LAMA2: variants seen among roughly 807,000 people sequenced by gnomAD.
The protein encoded by LAMA2 is laminin subunit alpha 2.
In LAMA2, 269 loss-of-function variants were observed where a neutral mutation model predicts 364.8. The observed-to-expected ratio is 0.74, with a 90% CI of 0.67 to 0.82. The LOEUF (loss-of-function observed/expected upper bound fraction) is 0.82. Among genes scored for constraint, LAMA2 ranks in the 40% least tolerant of loss-of-function variants. The pLI is 0.00. For synonymous variants in LAMA2, 1,379 were observed against 1,370.6 expected, an observed-to-expected ratio of 1.01 and a Z score of -0.14; for missense variants, 3,807 against 3,873.2, an observed-to-expected ratio of 0.98 and a Z score of 0.45.
chr6:129,451,646 A>G (rs1179021450), intron 45 of LAMA2, among the ~76,000 whole-genome samples: 2 of 152,232 alleles, frequency 1.3e-5, no homozygotes, highest in African/African-American at 4.8e-5. Flanking sequence ...GAGACGTAAC[A>G]GATCTTCTGT....
At chr6:129,145,230 C>G (rs1233510234) in intron 5 of LAMA2, among the ~76,000 whole-genome samples, 2 of 151,986 alleles carry the variant, frequency 1.3e-5, no homozygotes, top group Non-Finnish European at 2.9e-5. Flanking sequence ...CTAAATACTC[C>G]TCACATGTTT....
intron 37 of LAMA2, among the ~76,000 whole-genome samples, chr6:129,393,864 G>A (rs73591271): frequency 0.037 from 5,558 of 152,110 alleles, 303 homozygotes; most frequent in African/African-American, 0.13. Context: ...TTTTCTATGC[G>A]CTGTGTTCTA....
intron 29 of LAMA2, among the ~76,000 whole-genome samples, chr6:129,340,314 G>T (rs2114563034): frequency 6.6e-6 from 1 of 151,998 alleles, no homozygotes; most frequent in Middle Eastern, 3.4e-3. Context: ...TTTAAGACAG[G>T]AAAGGCTTGA....
At chr6:129,323,999 C>G (rs550725333) in intron 28 of LAMA2, among the ~76,000 whole-genome samples, 50 of 152,262 alleles carry the variant, frequency 3.3e-4, no homozygotes, top group African/African-American at 1.1e-3. Flanking sequence ...ACATAAAGCC[C>G]AAAAGGCAAA....
chr6:129,187,837 T>G (rs1468238349), intron 10 of LAMA2, among the ~76,000 whole-genome samples: 1 of 151,744 alleles, frequency 6.6e-6, no homozygotes, highest in African/African-American at 2.4e-5. Context: ...TTTGAAACAT[T>G]TAAGATTTTG....
intron 10 of LAMA2, among the ~76,000 whole-genome samples, chr6:129,189,832 G>A (rs1781428278): frequency 1.3e-5 from 2 of 152,120 alleles, no homozygotes; most frequent in Non-Finnish European, 2.9e-5. Flanking sequence ...TAACAGAACA[G>A]TGAACTTTAA....
At chr6:129,167,357 T>C (rs1191151279) in intron 9 of LAMA2, among the ~76,000 whole-genome samples, 1 of 134,534 alleles carries the variant, frequency 7.4e-6, no homozygotes, top group Non-Finnish European at 1.5e-5. Context: ...TTCCCCTTCC[T>C]GTGTCCATGT....
At chr6:129,405,512 A>T (rs915880969) in intron 40 of LAMA2, among the ~76,000 whole-genome samples, 13 of 152,190 alleles carry the variant, frequency 8.5e-5, no homozygotes, top group African/African-American at 3.1e-4. Flanking sequence ...AATGCATTAC[A>T]CCATGTCTGC....
At chr6:129,180,046 G>T (rs1376017861) in intron 10 of LAMA2, among the ~76,000 whole-genome samples, 1 of 78,726 alleles carries the variant, frequency 1.3e-5, no homozygotes, top group Non-Finnish European at 2.3e-5. Flanking sequence ...TTAGTGTAGT[G>T]TATTTAAATA....
intron 12 of LAMA2, among the ~76,000 whole-genome samples, chr6:129,217,714 C>A (rs192187196): frequency 4.3e-4 from 65 of 152,166 alleles, no homozygotes; most frequent in African/African-American, 1.5e-3. Flanking sequence ...TTTTTGAATA[C>A]TTCACATACA....
At chr6:129,317,996 A>G (rs765062353) in intron 27 of LAMA2, among the ~76,000 whole-genome samples, 1 of 151,810 alleles carries the variant, frequency 6.6e-6, no homozygotes, top group African/African-American at 2.4e-5. Flanking sequence ...CGTTTTTTTG[A>G]AACTTTAGAA....
chr6:129,006,456 A>G (rs1396028627), intron 1 of LAMA2, among the ~76,000 whole-genome samples: 1 of 152,078 alleles, frequency 6.6e-6, no homozygotes, highest in Non-Finnish European at 1.5e-5. Context: ...ATGACCTCTC[A>G]TCTCTTCCGT....
At chr6:128,989,493 A>C (rs1448406496) in intron 1 of LAMA2, among the ~76,000 whole-genome samples, 1 of 152,174 alleles carries the variant, frequency 6.6e-6, no homozygotes, top group Non-Finnish European at 1.5e-5. Flanking sequence ...GGGGACTAGA[A>C]AGCAAGACAC....
At chr6:128,947,900 C>T (rs1245095528) in intron 1 of LAMA2, among the ~76,000 whole-genome samples, 1 of 151,938 alleles carries the variant, frequency 6.6e-6, no homozygotes, top group Non-Finnish European at 1.5e-5. Context: ...CGATAAATAG[C>T]TCAGCAAGGT....
intron 14 of LAMA2, among the ~76,000 whole-genome samples, chr6:129,260,328 C>T (rs779331342): frequency 1.3e-5 from 2 of 152,148 alleles, no homozygotes; most frequent in Non-Finnish European, 2.9e-5. Flanking sequence ...CCTACTTCTG[C>T]TTTCCTTGTT....
chr6:128,986,394 A>AG (rs1783240932), intron 1 of LAMA2, among the ~76,000 whole-genome samples: 1 of 152,122 alleles, frequency 6.6e-6, no homozygotes, highest in East Asian at 1.9e-4. Context: ...GTTAATATGT[A>AG]GGTTGTTTCT....
intron 1 of LAMA2, among the ~76,000 whole-genome samples, chr6:128,962,416 G>A (rs1466815499): frequency 6.6e-6 from 1 of 151,564 alleles, no homozygotes; most frequent in Non-Finnish European, 1.5e-5. Flanking sequence ...ATTACCAATG[G>A]TATGAAACTC....
chr6:129,328,384 T>C lies in LAMA2; in HGVS notation c.4283T>C (p.Leu1428Pro), dbSNP rs1775430707. ...TGTCAATGTAATGGACACAGCAGCC[T>C]GTGTGACCCTGAAACATCGATATGC... ...VPCQCNGHSS[L>P]CDPETSICQN... Residue 1428 changes from leucine (L) to proline (P), a missense_variant, in exon 29 of 65, where the codon CTG becomes CCG. By Grantham distance (98) the Leu-to-Pro change is moderately conservative. This residue lies in a region of LAMA2 where 3,333 missense variants were observed against 3,345.7 expected (regional missense o/e 1.00). Transcript: ENST00000421865. 5 of 1,614,200 alleles carry C rather than the reference T, an allele frequency of 3.1e-6. No individual in the cohort carries two copies. The highest frequency in any genetic ancestry group is 4.2e-6 in the Non-Finnish European group (5 of 1,180,014).
chr6:129,152,075 C>G (rs1778839486), intron 7 of LAMA2, among the ~76,000 whole-genome samples: 1 of 152,040 alleles, frequency 6.6e-6, no homozygotes, highest in East Asian at 1.9e-4. Context: ...GGATAATAAC[C>G]TTTCTATATT....
Sources: allele counts gnomAD v4.1 joint callset (sites outside exome capture counted in the v4.1 genomes callset), GRCh38; gene constraint gnomAD v4.1.1; regional missense constraint gnomAD v4.1.1; transcripts MANE v1.5; gene names NCBI Gene and HGNC (gene_info 2026-07-23, HGNC 2026-07-21).